NAALADL2: variants seen among roughly 807,000 people sequenced by gnomAD.
NAALADL2 encodes N-acetylated alpha-linked acidic dipeptidase like 2, also known as inactive N-acetylated-alpha-linked acidic dipeptidase-like protein 2.
NAALADL2 carries 76 observed loss-of-function variants against 87.2 expected under a neutral mutation model. The ratio of observed to expected loss-of-function variants is 0.87; its 90% confidence interval spans 0.72 to 1.05. NAALADL2 has a LOEUF of 1.05. Among genes scored for constraint, NAALADL2 ranks in the 50% least tolerant of loss-of-function variants. The probability of loss-of-function intolerance (pLI) is 0.00; values close to 1 mark genes in which losing one functional copy is unlikely to be tolerated. For synonymous variants in NAALADL2, 354 were observed against 331.0 expected, an observed-to-expected ratio of 1.07 and a Z score of -0.75; for missense variants, 1,089 against 945.8, an observed-to-expected ratio of 1.15 and a Z score of -1.99.
rs984952090 is a variant in NAALADL2, at chr3:175,394,087, G to A, written c.1091-53142G>A. Among the ~76,000 whole-genome samples the A allele has an allele frequency of 2.6e-5, 4 of 151,918 alleles. No individual in the cohort carries two copies. In the East Asian group the frequency reaches 7.7e-4, roughly 29 times the overall value. On this transcript the variant is annotated intron_variant, in intron 5 of 13. Transcript: ENST00000454872. ...TTTGAAGAAGTCCAAGAAGCAGATA[G>A]CCAATATACTCTTTGCTATTCCTGA...
intron 2 of NAALADL2, among the ~76,000 whole-genome samples, chr3:175,117,942 A>G (rs896901391): frequency 6.6e-6 from 1 of 152,096 alleles, no homozygotes; most frequent in African/African-American, 2.4e-5. Flanking sequence ...GCCATAAAAA[A>G]TGATGAGTTC....
chr3:175,330,240 A>T (rs138325671), intron 5 of NAALADL2, among the ~76,000 whole-genome samples: 1 of 152,166 alleles, frequency 6.6e-6, no homozygotes, highest in Non-Finnish European at 1.5e-5. Context: ...TAGTTTAAAA[A>T]TTTTGTAGCA....
At chr3:175,039,676 T>G (rs1753818555) in intron 1 of NAALADL2, among the ~76,000 whole-genome samples, 1 of 152,192 alleles carries the variant, frequency 6.6e-6, no homozygotes, top group South Asian at 2.1e-4. Flanking sequence ...TTAAACTTAC[T>G]AGACAAGTGA....
chr3:174,976,586 C>A (rs1217420528), intron 1 of NAALADL2, among the ~76,000 whole-genome samples: 1 of 152,142 alleles, frequency 6.6e-6, no homozygotes, highest in East Asian at 1.9e-4. Context: ...TACAATCAAG[C>A]CTTGAAGTGT....
At chr3:175,087,833 G>T (rs958301415) in intron 1 of NAALADL2, among the ~76,000 whole-genome samples, 3 of 150,940 alleles carry the variant, frequency 2.0e-5, no homozygotes, top group Non-Finnish European at 4.4e-5. Context: ...TTTATCTGCT[G>T]ACCTTCCCTC....
At chr3:175,517,961 G>T (rs145691047) in intron 9 of NAALADL2, among the ~76,000 whole-genome samples, 29 of 152,228 alleles carry the variant, frequency 1.9e-4, no homozygotes, top group African/African-American at 6.0e-4. Flanking sequence ...TTATGGAAAT[G>T]GGCTTTCCAC....
chr3:175,171,136 C>G (rs1734745038), intron 2 of NAALADL2, among the ~76,000 whole-genome samples: 1 of 151,752 alleles, frequency 6.6e-6, no homozygotes, highest in Admixed American at 6.6e-5. Context: ...TTTTCAAACC[C>G]TTAAGAACTC....
chr3:175,709,234 G>T (rs566596615), intron 11 of NAALADL2, among the ~76,000 whole-genome samples: 2 of 151,978 alleles, frequency 1.3e-5, no homozygotes, highest in South Asian at 4.2e-4. Flanking sequence ...TTTTTAGCTC[G>T]TGATTATTCT....
Position 175,804,967 on chromosome 3 carries a change from C to T in NAALADL2, c.*1764C>T, listed in dbSNP as rs1754574236. ...CAATGTATTTGTTTGCAAACATTTG[C>T]CATGTTGAAGAGTGTGTATAGGAAA... is the stretch of plus-strand genomic sequence containing the variant. On this transcript the variant is annotated 3_prime_UTR_variant, in exon 14 of 14. Transcript: ENST00000454872. 1 of 151,786 alleles carries T rather than the reference C, an allele frequency of 6.6e-6. No individual in the cohort carries two copies. The highest frequency in any genetic ancestry group is 1.5e-5 in the Non-Finnish European group (1 of 67,880). 9.4% of individuals were successfully genotyped at this position (151,786 alleles called of 1,614,324 possible). A position where few individuals can be genotyped will look rare whatever the true frequency, so the allele number is the denominator to read the frequency against.
At chr3:174,912,614 T>C (rs887175332) in intron 1 of NAALADL2, among the ~76,000 whole-genome samples, 3 of 152,164 alleles carry the variant, frequency 2.0e-5, no homozygotes, top group African/African-American at 7.2e-5. Context: ...TTTCGCAGCC[T>C]TTTTCCCCTG....
chr3:175,278,022 A>T (rs1025765756), intron 4 of NAALADL2, among the ~76,000 whole-genome samples: 3 of 152,146 alleles, frequency 2.0e-5, no homozygotes, highest in East Asian at 1.9e-4. Flanking sequence ...GCTACTCGGG[A>T]GGCTGAGGCA....
At chr3:174,787,052 TTATTA>T (rs1043237731) in intron 3 of NAALADL2, among the ~76,000 whole-genome samples, 29 of 150,556 alleles carry the variant, frequency 1.9e-4, no homozygotes, top group African/African-American at 6.2e-4. Context: ...AATTATTATA[TTATTA>T]TATTTATTGC....
intron 5 of NAALADL2, among the ~76,000 whole-genome samples, chr3:175,384,913 C>T: frequency 6.6e-6 from 1 of 151,468 alleles, no homozygotes; most frequent in South Asian, 2.1e-4. Flanking sequence ...GTTTTTTTCA[C>T]CATGCAGAAA....
intron 11 of NAALADL2, among the ~76,000 whole-genome samples, chr3:175,717,018 T>C (rs151185576): frequency 3.9e-5 from 6 of 152,288 alleles, no homozygotes; most frequent in African/African-American, 1.4e-4. Flanking sequence ...GGTGCTACAG[T>C]TGTCCAGAAA....
At chr3:175,729,770 T>A (rs1167580120) in intron 11 of NAALADL2, among the ~76,000 whole-genome samples, 6 of 124,724 alleles carry the variant, frequency 4.8e-5, no homozygotes, top group African/African-American at 2.4e-4. Context: ...AGCTGAAGGT[T>A]TTTTTTTTTT....
chr3:174,571,939 G>T (rs1714980513), intron 2 of NAALADL2, among the ~76,000 whole-genome samples: 1 of 152,070 alleles, frequency 6.6e-6, no homozygotes, highest in Non-Finnish European at 1.5e-5. Context: ...TCAAAGAATG[G>T]ATAACCCCAT....
intron 2 of NAALADL2, among the ~76,000 whole-genome samples, chr3:174,627,931 G>A (rs1274444807): frequency 2.6e-5 from 4 of 152,104 alleles, no homozygotes; most frequent in South Asian, 2.1e-4. Flanking sequence ...CACGGGAGAC[G>A]TCCAAAGCTG....
chr3:174,641,118 C>T (rs182978276), intron 2 of NAALADL2, among the ~76,000 whole-genome samples: 14 of 152,224 alleles, frequency 9.2e-5, no homozygotes, highest in African/African-American at 3.4e-4. Flanking sequence ...CTCAGGTGCG[C>T]CCTTTAAGAG....
At chr3:174,630,436 A>T (rs190297263) in intron 2 of NAALADL2, among the ~76,000 whole-genome samples, 220 of 152,284 alleles carry the variant, frequency 1.4e-3, no homozygotes, top group Non-Finnish European at 2.5e-3. Flanking sequence ...TTCTGCATAG[A>T]TTTATGATAT....
Sources: allele counts gnomAD v4.1 joint callset (sites outside exome capture counted in the v4.1 genomes callset), GRCh38; gene constraint gnomAD v4.1.1; transcripts MANE v1.5; gene names NCBI Gene and HGNC (gene_info 2026-07-23, HGNC 2026-07-21).